The following ATAD2B variants were observed in gnomAD, a reference collection of about 807,000 sequenced individuals.
ATAD2B encodes the protein ATPase family AAA domain containing 2B, also known as ATPase family AAA domain-containing protein 2B.
In ATAD2B, 40 loss-of-function variants were observed where a neutral mutation model predicts 167.6. That is an observed-to-expected ratio of 0.24 (90% CI 0.19 to 0.31). The LOEUF (loss-of-function observed/expected upper bound fraction) is 0.31. Among genes scored for constraint, ATAD2B ranks in the 10% least tolerant of loss-of-function variants. ATAD2B has a pLI of 1.00. For missense variants in ATAD2B, 1,242 were observed against 1,757.2 expected (o/e 0.71, Z 5.24); for synonymous variants, 579 against 596.5 (o/e 0.97, Z 0.43).
chr2:23,876,547 G>A (rs1380710992), intron 7 of ATAD2B, among the ~76,000 whole-genome samples: 4 of 151,820 alleles, frequency 2.6e-5, no homozygotes, highest in African/African-American at 7.3e-5. Context: ...TGAGCCGCCC[G>A]CCTAGGCCTC....
intron 17 of ATAD2B, among the ~76,000 whole-genome samples, chr2:23,818,576 GA>G (rs1686963970): frequency 6.6e-6 from 1 of 152,082 alleles, no homozygotes; most frequent in Non-Finnish European, 1.5e-5. Context: ...TTTTAAAAAT[GA>G]AAAACAAGAA....
intron 9 of ATAD2B, 77 bp from the exon 10 acceptor site, chr2:23,868,023 T>TGATGTAAAGAAA: frequency 2.2e-6 from 2 of 909,152 alleles, no homozygotes; most frequent in Non-Finnish European, 3.5e-6. Flanking sequence ...TTACATTCTT[T>TGATGTAAAGAAA]GATGTGTCTT....
intron 13 of ATAD2B, among the ~76,000 whole-genome samples, chr2:23,840,092 C>T (rs1318478400): frequency 6.6e-6 from 1 of 152,020 alleles, no homozygotes; most frequent in Non-Finnish European, 1.5e-5. Flanking sequence ...AGTAATATTC[C>T]ATTATATAGA....
intron 4 of ATAD2B, among the ~76,000 whole-genome samples, chr2:23,887,243 G>A (rs565554345): frequency 4.5e-4 from 68 of 151,956 alleles, no homozygotes; most frequent in African/African-American, 1.4e-3. Flanking sequence ...CAGCCTGGGC[G>A]AGGGATTGAG....
At chr2:23,901,114 CAT>C (rs1211171626) in intron 1 of ATAD2B, 1 of 159,022 alleles carries the variant, frequency 6.3e-6, no homozygotes, top group Non-Finnish European at 1.4e-5. Context: ...CAACTGGAAA[CAT>C]GAGTCATCCA....
the ATAD2B span, among the ~76,000 whole-genome samples, chr2:23,680,510 C>T: frequency 2.0e-5 from 3 of 152,312 alleles, no homozygotes; most frequent in Admixed American, 2.0e-4. The surrounding 1 kb of genome is among the most constrained non-coding windows in gnomAD (Gnocchi z 4.1). Flanking sequence ...ACCTCTGGGG[C>T]CGACCAACAG....
In ATAD2B at chr2:23,823,583, G is replaced by T; in HGVS notation, c.1820-14C>A. 6.2e-7 allele frequency: 1 copy of T among 1,604,542 alleles called. No individual in the cohort carries two copies. Among genetic ancestry groups the T allele is most frequent in the South Asian group, 1.1e-5 (1 of 90,870 alleles). On this transcript the variant is annotated splice_polypyrimidine_tract_variant and intron_variant, in intron 15 of 27. Transcript: ENST00000238789. Reference sequence around the variant, plus strand: ...CTCCACAGTAGCCTAATACACAAAAGGAGAAGGATAGCAAAGGTACATTCA... The same window carrying T: ...CTCCACAGTAGCCTAATACACAAAATGAGAAGGATAGCAAAGGTACATTCA...
the ATAD2B span, among the ~76,000 whole-genome samples, chr2:23,741,575 C>T: frequency 1.6e-4 from 25 of 152,108 alleles, no homozygotes; most frequent in African/African-American, 4.3e-4. Flanking sequence ...AAGACTTAAA[C>T]GTTAGCCCTA....
In ATAD2B at chr2:23,885,789, T is replaced by A; in HGVS notation, c.613A>T (p.Ile205Phe). ...TCTCCTGATCGACGATTCCGTCGGA[T>A]GTTAATGTTGTCCATTTCCTGTAGT... The part of the protein sequence containing the change: ...AVLQEMDNIN[I>F]RRNRRSGEVE... Residue 205 changes from isoleucine (I) to phenylalanine (F), a missense_variant, in exon 5 of 28, where the codon ATC becomes TTC. Around this residue, in one of 9 missense-constraint regions of ATAD2B, gnomAD observed 99 missense variants for 160.4 expected, o/e 0.62. Coordinates refer to ENST00000238789, the MANE Select transcript of ATAD2B (RefSeq NM_017552.4). The A allele has an allele frequency of 1.9e-6, 3 of 1,595,834 alleles. No homozygotes were observed. Among genetic ancestry groups the A allele is most frequent in the Non-Finnish European group, 2.6e-6 (3 of 1,169,738 alleles).
chr2:23,880,795 T>C (rs749882384), intron 6 of ATAD2B, 40 bp from the exon 7 acceptor site: 2 of 1,223,528 alleles, frequency 1.6e-6, no homozygotes, highest in Non-Finnish European at 2.3e-6. Flanking sequence ...AAAGGCATTA[T>C]TTTAATTCAA....
chr2:23,913,853 A>G (rs889808209), intron 1 of ATAD2B, among the ~76,000 whole-genome samples: 1 of 152,078 alleles, frequency 6.6e-6, no homozygotes, highest in Non-Finnish European at 1.5e-5. Context: ...TGTAATCCCA[A>G]CACTCTGGGA....
intron 19 of ATAD2B, among the ~76,000 whole-genome samples, chr2:23,794,169 C>T (rs995367167): frequency 6.6e-6 from 1 of 152,128 alleles, no homozygotes; most frequent in Non-Finnish European, 1.5e-5. Context: ...GCCATCATAC[C>T]CAGCTAATTT....
At chr2:23,854,761 T>C (rs1349999621) in intron 13 of ATAD2B, among the ~76,000 whole-genome samples, 1 of 152,036 alleles carries the variant, frequency 6.6e-6, no homozygotes, top group African/African-American at 2.4e-5. Context: ...TTTAGGCAAC[T>C]TTTCTCAAGC....
the ATAD2B span, among the ~76,000 whole-genome samples, chr2:23,698,522 C>T: frequency 6.6e-6 from 1 of 151,964 alleles, no homozygotes; most frequent in African/African-American, 2.4e-5. Flanking sequence ...ACTAATGGTA[C>T]AAATGGCTAT....
chr2:23,852,100 T>A (rs939025025), intron 13 of ATAD2B, among the ~76,000 whole-genome samples: 2 of 152,152 alleles, frequency 1.3e-5, no homozygotes, highest in Non-Finnish European at 2.9e-5. Flanking sequence ...AAAACTGACC[T>A]AAGAATAAAT....
At position 23,768,407 on chromosome 2, in the gene ATAD2B, C is replaced by T. The variant is rs188787528; in HGVS notation, c.3134-2779G>A. 1.3e-3 allele frequency among the ~76,000 whole-genome samples: 201 copies of T among 152,036 alleles called. 1 individual carries two copies. Among genetic ancestry groups the T allele is most frequent in the African/African-American group, 4.7e-3 (195 of 41,474 alleles). On this transcript the variant is annotated intron_variant, in intron 22 of 27. Coordinates refer to ENST00000238789, the MANE Select transcript of ATAD2B (RefSeq NM_017552.4). ...TTCCCATTACCTGCTCCACCCTGTA[C>T]AAAAAGTACAAAAATTAGGCAAGCA...
intron 13 of ATAD2B, among the ~76,000 whole-genome samples, chr2:23,854,495 T>G (rs1452532713): frequency 1.3e-5 from 2 of 151,716 alleles, no homozygotes; most frequent in African/African-American, 4.8e-5. Flanking sequence ...CTGGCCAATA[T>G]GGTGAAACCC....
At chr2:23,865,935 G>A in intron 10 of ATAD2B, 1 of 956,776 alleles carries the variant, frequency 1.0e-6, no homozygotes, top group South Asian at 4.8e-5. Context: ...AGTGTTAACT[G>A]TGACTGCCTC....
intron 7 of ATAD2B, among the ~76,000 whole-genome samples, chr2:23,876,629 ATG>A (rs924708794): frequency 1.2e-4 from 19 of 152,304 alleles, no homozygotes; most frequent in African/African-American, 4.6e-4. Context: ...AAACCTAGTC[ATG>A]TGTTTTCAAG....
Sources: gnomAD v4.1 joint callset for allele counts (sites outside exome capture counted in the v4.1 genomes callset) on GRCh38, gnomAD v4.1.1 for gene constraint, gnomAD v4.1.1 regional missense constraint, Gnocchi (gnomAD v3.1) non-coding constraint, MANE v1.5 for transcripts, NCBI Gene and HGNC (gene_info 2026-07-23, HGNC 2026-07-21) for gene names.